GALNT13: variants seen among roughly 807,000 people sequenced by gnomAD.
GALNT13 encodes polypeptide N-acetylgalactosaminyltransferase 13, also known as UDP-GalNAc:polypeptide N-acetylgalactosaminyltransferase 13.
GALNT13 carries 28 observed loss-of-function variants against 64.2 expected under a neutral mutation model. That is an observed-to-expected ratio of 0.44 (90% CI 0.32 to 0.60). GALNT13 has a LOEUF of 0.60. Ranked by LOEUF, GALNT13 falls within the 20% of genes least tolerant of loss-of-function variation. The pLI is 0.05. For synonymous variants in GALNT13, 214 were observed against 224.6 expected (o/e 0.95, Z 0.42); for missense variants, 577 against 669.8 (o/e 0.86, Z 1.53).
the GALNT13 span, among the ~76,000 whole-genome samples, chr2:153,780,192 C>A: frequency 5.0e-5 from 7 of 138,698 alleles, no homozygotes; most frequent in East Asian, 1.4e-3. Flanking sequence ...GTAACATAAT[C>A]TTCTTTTGGA....
At chr2:154,313,049 G>T (rs987344806) in intron 9 of GALNT13, among the ~76,000 whole-genome samples, 1 of 151,684 alleles carries the variant, frequency 6.6e-6, no homozygotes, top group Non-Finnish European at 1.5e-5. Flanking sequence ...TTGAAGATGG[G>T]TAGACCATTG....
the GALNT13 span, among the ~76,000 whole-genome samples, chr2:153,806,592 C>T: frequency 3.3e-5 from 5 of 150,948 alleles, no homozygotes; most frequent in Non-Finnish European, 5.9e-5. Context: ...TTATGTGGCT[C>T]TCTAGGAAAG....
the GALNT13 span, among the ~76,000 whole-genome samples, chr2:153,643,754 A>G: frequency 6.6e-6 from 1 of 152,026 alleles, no homozygotes; most frequent in Admixed American, 6.6e-5. Flanking sequence ...ATATATCACA[A>G]TAAATTTTAG....
chr2:153,346,162 C>T, the GALNT13 span, among the ~76,000 whole-genome samples: 3 of 152,076 alleles, frequency 2.0e-5, no homozygotes, highest in African/African-American at 4.8e-5. Flanking sequence ...GAAGCTCCAG[C>T]GATTTGCTCT....
At chr2:153,151,563 A>G in the GALNT13 span, among the ~76,000 whole-genome samples, 1 of 152,168 alleles carries the variant, frequency 6.6e-6, no homozygotes, top group Non-Finnish European at 1.5e-5. Flanking sequence ...CACAATAGCA[A>G]AGACTTGGAA....
the GALNT13 span, among the ~76,000 whole-genome samples, chr2:153,619,082 G>T: frequency 2.0e-4 from 30 of 151,920 alleles, no homozygotes; most frequent in Non-Finnish European, 3.5e-4. Flanking sequence ...TGGTTGTTTT[G>T]TGGACTGCTC....
intron 3 of GALNT13, among the ~76,000 whole-genome samples, chr2:154,022,610 C>T (rs995859947): frequency 5.9e-5 from 9 of 152,086 alleles, no homozygotes; most frequent in South Asian, 4.2e-4. Context: ...GTCTTGCTAG[C>T]GGTCTATCAA....
the GALNT13 span, among the ~76,000 whole-genome samples, chr2:153,221,291 C>T: frequency 6.6e-6 from 1 of 152,116 alleles, no homozygotes; most frequent in African/African-American, 2.4e-5. Context: ...AAAATACATA[C>T]ATGCATACGT....
At chr2:153,521,829 T>A in the GALNT13 span, among the ~76,000 whole-genome samples, 1 of 152,202 alleles carries the variant, frequency 6.6e-6, no homozygotes, top group Non-Finnish European at 1.5e-5. Context: ...CCCTTAGTAA[T>A]ATGCATTTTA....
the GALNT13 span, among the ~76,000 whole-genome samples, chr2:153,622,468 G>A: frequency 6.6e-6 from 1 of 152,272 alleles, no homozygotes; most frequent in East Asian, 1.9e-4. Flanking sequence ...TTTAGAAATT[G>A]AGGAAGCCTG....
chr2:153,411,833 G>T, the GALNT13 span, among the ~76,000 whole-genome samples: 2 of 152,166 alleles, frequency 1.3e-5, no homozygotes, highest in African/African-American at 4.8e-5. Context: ...AATTGTGATG[G>T]TTAATACTGA....
chr2:153,761,073 A>G, the GALNT13 span, among the ~76,000 whole-genome samples: 2 of 151,994 alleles, frequency 1.3e-5, no homozygotes, highest in Non-Finnish European at 2.9e-5. Flanking sequence ...ATTTGCATAG[A>G]ATATTATTTT....
intron 2 of GALNT13, among the ~76,000 whole-genome samples, chr2:153,927,308 TATTA>T (rs1329972978): frequency 2.6e-5 from 4 of 152,080 alleles, no homozygotes; most frequent in Non-Finnish European, 4.4e-5. Flanking sequence ...TATGCACAAT[TATTA>T]ATTAAATTAA....
chr2:153,161,612 C>A, the GALNT13 span, among the ~76,000 whole-genome samples: 4 of 150,114 alleles, frequency 2.7e-5, no homozygotes, highest in Non-Finnish European at 5.9e-5. Context: ...GTATTCCAAG[C>A]AGAAAAAAAC....
the GALNT13 span, among the ~76,000 whole-genome samples, chr2:153,563,436 T>A: frequency 1.3e-5 from 2 of 152,140 alleles, no homozygotes; most frequent in South Asian, 4.1e-4. Flanking sequence ...GTTATTTTCT[T>A]CCCATATATT....
chr2:153,608,544 G>A, the GALNT13 span, among the ~76,000 whole-genome samples: 6 of 151,382 alleles, frequency 4.0e-5, no homozygotes, highest in Middle Eastern at 3.4e-3. Flanking sequence ...TGTAACAGCC[G>A]CTGTTGCCTG....
At chr2:153,216,711 G>A in the GALNT13 span, among the ~76,000 whole-genome samples, 2 of 151,758 alleles carry the variant, frequency 1.3e-5, no homozygotes, top group Admixed American at 1.3e-4. Context: ...TCTCTTGTAA[G>A]GTTTTTGATT....
At chr2:153,179,750 G>T in the GALNT13 span, among the ~76,000 whole-genome samples, 1 of 152,030 alleles carries the variant, frequency 6.6e-6, no homozygotes, top group South Asian at 2.1e-4. Flanking sequence ...AGTTTTCAGT[G>T]TACAAGTCTT....
At chr2:154,224,798 T>G (rs1688500615) in intron 4 of GALNT13, among the ~76,000 whole-genome samples, 1 of 152,224 alleles carries the variant, frequency 6.6e-6, no homozygotes, top group South Asian at 2.1e-4. Context: ...TTGAAAAAAT[T>G]ATCTAAATTC....
Sources: gnomAD v4.1 joint callset for allele counts (sites outside exome capture counted in the v4.1 genomes callset) on GRCh38, gnomAD v4.1.1 for gene constraint, MANE v1.5 for transcripts, NCBI Gene and HGNC (gene_info 2026-07-23, HGNC 2026-07-21) for gene names.